The following SLC2A13 variants were observed in gnomAD, a reference collection of about 807,000 sequenced individuals.
The protein encoded by SLC2A13 is proton myo-inositol cotransporter.
A neutral mutation model predicts 64.4 loss-of-function variants in SLC2A13; 32 were observed. The observed-to-expected ratio is 0.50, with a 90% CI of 0.37 to 0.67. The LOEUF (loss-of-function observed/expected upper bound fraction) is 0.67, where lower values mean the gene tolerates loss of function less well. Ranked by LOEUF, SLC2A13 falls within the 30% of genes least tolerant of loss-of-function variation. SLC2A13 has a pLI of 0.00. For synonymous variants in SLC2A13, 338 were observed against 327.1 expected, an observed-to-expected ratio of 1.03 and a Z score of -0.36; for missense variants, 743 against 829.2, an observed-to-expected ratio of 0.90 and a Z score of 1.28.
rs1036975937 is a variant in SLC2A13, at chr12:39,783,729, A to T, written c.1446-18871T>A. On this transcript the variant is annotated intron_variant, in intron 7 of 9. Coordinates refer to ENST00000280871, the MANE Select transcript of SLC2A13 (RefSeq NM_052885.4). ...TTTTGGGGGTTGTTTGTTTTCTTGT[A>T]AATTTGTTTGAGTTCTTTGTAGATT... Among the ~76,000 whole-genome samples the T allele has an allele frequency of 2.0e-5, 3 of 152,076 alleles. No homozygotes were observed. In the East Asian group the frequency reaches 5.8e-4, roughly 29 times the overall value.
At chr12:40,081,993 G>T (rs1938419860) in intron 1 of SLC2A13, among the ~76,000 whole-genome samples, 1 of 152,308 alleles carries the variant, frequency 6.6e-6, no homozygotes, top group Admixed American at 6.5e-5. Flanking sequence ...TAACCCTGGG[G>T]ACCTGGGACC....
At position 40,028,400 on chromosome 12, in the gene SLC2A13, G is replaced by T; in HGVS notation, c.826C>A (p.Arg276Ser). Reference sequence around the variant, plus strand: ...CCACGCATCTGAGATAAAATTCTACGGGCCTTCTGAGTCTGTCCTTTCTGA... The same window carrying T: ...CCACGCATCTGAGATAAAATTCTACTGGCCTTCTGAGTCTGTCCTTTCTGA... Reference protein sequence around the residue: ...LIQKGQTQKARRILSQMRGNQ... With the variant: ...LIQKGQTQKASRILSQMRGNQ... Residue 276 changes from arginine to serine, a missense_variant, in exon 3 of 10, where the codon CGT (arginine) becomes AGT (serine). Physicochemically the swap from Arg to Ser is moderately radical, Grantham distance 110 (BLOSUM62 -1). This residue lies in a region of SLC2A13 where 448 missense variants were observed against 447.4 expected (regional missense o/e 1.00). Coordinates refer to ENST00000280871, the MANE Select transcript of SLC2A13 (RefSeq NM_052885.4). The T allele has an allele frequency of 1.2e-6, 2 of 1,613,794 alleles. No individual in the cohort carries two copies. The highest frequency in any genetic ancestry group is 1.7e-6 in the Non-Finnish European group (2 of 1,179,944).
chr12:39,833,452 T>C (rs1297067705), intron 6 of SLC2A13, among the ~76,000 whole-genome samples: 1 of 152,060 alleles, frequency 6.6e-6, no homozygotes, highest in Non-Finnish European at 1.5e-5. Flanking sequence ...TCCATGGCTC[T>C]GCTTCCCTCT....
intron 1 of SLC2A13, among the ~76,000 whole-genome samples, chr12:40,092,225 CA>C (rs1938793492): frequency 1.3e-5 from 2 of 152,194 alleles, no homozygotes; most frequent in South Asian, 4.1e-4. Flanking sequence ...CAAGTCTTCA[CA>C]GCATAATTTA....
At chr12:40,040,578 G>A (rs1434580301) in intron 2 of SLC2A13, among the ~76,000 whole-genome samples, 2 of 152,158 alleles carry the variant, frequency 1.3e-5, no homozygotes, top group African/African-American at 4.8e-5. Context: ...TTTTGGTAGA[G>A]ATGGGGTTTC....
At chr12:39,866,681 G>C (rs963474699) in intron 5 of SLC2A13, among the ~76,000 whole-genome samples, 1 of 152,048 alleles carries the variant, frequency 6.6e-6, no homozygotes, top group African/African-American at 2.4e-5. Flanking sequence ...GGGTTTCACC[G>C]TGTTAGCCAG....
chr12:40,086,140 C>T, intron 1 of SLC2A13, among the ~76,000 whole-genome samples: 1 of 152,094 alleles, frequency 6.6e-6, no homozygotes, highest in East Asian at 1.9e-4. Flanking sequence ...CCTGGCCCTC[C>T]CTGCTGCCTT....
chr12:39,777,056 T>C (rs1034712149), intron 7 of SLC2A13, among the ~76,000 whole-genome samples: 5 of 152,352 alleles, frequency 3.3e-5, no homozygotes, highest in African/African-American at 1.2e-4. Flanking sequence ...ACTATACTGC[T>C]CATATTTTCT....
intron 4 of SLC2A13, among the ~76,000 whole-genome samples, chr12:39,924,068 T>TA (rs1272669843): frequency 6.6e-6 from 1 of 152,072 alleles, no homozygotes; most frequent in Non-Finnish European, 1.5e-5. Context: ...CGAAATAAAA[T>TA]AAAAAATGTT....
At chr12:39,996,839 A>G (rs1179432142) in intron 3 of SLC2A13, among the ~76,000 whole-genome samples, 1 of 152,184 alleles carries the variant, frequency 6.6e-6, no homozygotes, top group Non-Finnish European at 1.5e-5. Context: ...GAAGGTGAAA[A>G]ACCTCTACAT....
At chr12:39,865,434 G>C (rs543188773) in intron 5 of SLC2A13, among the ~76,000 whole-genome samples, 1 of 152,270 alleles carries the variant, frequency 6.6e-6, no homozygotes, top group East Asian at 1.9e-4. Flanking sequence ...TAAAGTACCA[G>C]AAATAATATA....
intron 7 of SLC2A13, among the ~76,000 whole-genome samples, chr12:39,812,708 G>C (rs1038322064): frequency 2.0e-5 from 3 of 151,876 alleles, no homozygotes; most frequent in Non-Finnish European, 2.9e-5. Flanking sequence ...CTGGCCTCAA[G>C]TGATCCACCT....
chr12:39,923,694 G>GCACACACACACACACACACACACA (rs200530373), intron 4 of SLC2A13, among the ~76,000 whole-genome samples: 1 of 137,258 alleles, frequency 7.3e-6, no homozygotes, highest in Non-Finnish European at 1.5e-5. Flanking sequence ...ATATGCGCAC[G>GCACACACACACACACACACACACA]CGCACACACA....
At chr12:40,067,020 G>A (rs1937753501) in intron 1 of SLC2A13, among the ~76,000 whole-genome samples, 3 of 151,970 alleles carry the variant, frequency 2.0e-5, no homozygotes, top group African/African-American at 2.4e-5. Flanking sequence ...TTTCAATAAC[G>A]AACAATATTC....
At chr12:40,058,430 A>G (rs1037477171) in intron 1 of SLC2A13, among the ~76,000 whole-genome samples, 2 of 152,184 alleles carry the variant, frequency 1.3e-5, no homozygotes, top group Non-Finnish European at 2.9e-5. Flanking sequence ...GAAGAATTAG[A>G]AATTGCATTC....
At chr12:40,053,431 G>T (rs920141439) in intron 1 of SLC2A13, among the ~76,000 whole-genome samples, 1 of 151,940 alleles carries the variant, frequency 6.6e-6, no homozygotes, top group Non-Finnish European at 1.5e-5. Flanking sequence ...TGTCAAAATG[G>T]GTCTCACAGA....
At chr12:39,841,348 G>T (rs1399814477) in intron 6 of SLC2A13, among the ~76,000 whole-genome samples, 1 of 151,996 alleles carries the variant, frequency 6.6e-6, no homozygotes, top group Non-Finnish European at 1.5e-5. Context: ...TGAATTATTG[G>T]GTTGGTTCTT....
intron 3 of SLC2A13, among the ~76,000 whole-genome samples, chr12:40,019,318 T>C (rs181713331): frequency 2.6e-5 from 4 of 152,174 alleles, no homozygotes; most frequent in Non-Finnish European, 4.4e-5. Flanking sequence ...GGACATTTGA[T>C]TGTTAGGTTC....
chr12:40,097,536 C>A (rs1297090787), intron 1 of SLC2A13, among the ~76,000 whole-genome samples: 1 of 152,026 alleles, frequency 6.6e-6, no homozygotes, highest in East Asian at 1.9e-4. Flanking sequence ...CTGCAATAAA[C>A]CAATTAAAAA....
Sources: gnomAD v4.1 joint callset for allele counts (sites outside exome capture counted in the v4.1 genomes callset) on GRCh38, gnomAD v4.1.1 for gene constraint, gnomAD v4.1.1 regional missense constraint, MANE v1.5 for transcripts, NCBI Gene and HGNC (gene_info 2026-07-23, HGNC 2026-07-21) for gene names.